Variants in HS3ST2 observed in about 807,000 individuals in gnomAD.
HS3ST2 encodes the protein heparan sulfate glucosamine 3-O-sulfotransferase 2.
Under a neutral mutation model 26.3 loss-of-function variants are expected in HS3ST2, and 17 were observed. The observed-to-expected ratio is 0.65, with a 90% CI of 0.44 to 0.97. The LOEUF is 0.97. Among genes scored for constraint, HS3ST2 ranks in the 50% least tolerant of loss-of-function variants. The pLI, the probability that HS3ST2 is intolerant of heterozygous loss-of-function variation, is 0.00. For missense variants in HS3ST2, 402 were observed against 501.2 expected (o/e 0.80, Z 1.89); for synonymous variants, 237 against 219.2 (o/e 1.08, Z -0.72).
At chr16:22,848,497 G>A (rs1349979693) in intron 1 of HS3ST2, among the ~76,000 whole-genome samples, 1 of 150,848 alleles carries the variant, frequency 6.6e-6, no homozygotes, top group African/African-American at 2.5e-5. Flanking sequence ...TTTAGCTCAA[G>A]CTGAAAAAGA....
Position 22,834,471 on chromosome 16 carries a change from C to A in HS3ST2, c.485+19376C>A, listed in dbSNP as rs570761210. On this transcript the variant is annotated intron_variant, in intron 1 of 1. Transcript: ENST00000261374. ...TATCTACAGAATCATTTTAAATGCTCAGAATTATTTTAAATAGCATCTAGT... is the reference window on the plus strand; with the variant it reads ...TATCTACAGAATCATTTTAAATGCTAAGAATTATTTTAAATAGCATCTAGT... 6.6e-5 allele frequency among the ~76,000 whole-genome samples: 10 copies of A among 152,116 alleles called. No individual in the cohort carries two copies. In the East Asian group the frequency reaches 1.9e-3, roughly 29 times the overall value.
chr16:22,847,315 C>T (rs1901448814), intron 1 of HS3ST2, among the ~76,000 whole-genome samples: 1 of 152,162 alleles, frequency 6.6e-6, no homozygotes, highest in Non-Finnish European at 1.5e-5. Flanking sequence ...GACATGATGT[C>T]ATTTTTGTGG....
Position 22,814,424 on chromosome 16 carries a change from C to A in HS3ST2, c.-187C>A, listed in dbSNP as rs1023863080. 2.0e-6 allele frequency: 1 copy of A among 495,618 alleles called. No individual in the cohort carries two copies. The highest frequency in any genetic ancestry group is 3.5e-5 in the East Asian group (1 of 28,540). The allele number at this position is 495,618 out of a possible 1,614,324, so 30.7% of individuals were successfully genotyped here. A position where few individuals can be genotyped will look rare whatever the true frequency, so the allele number is the denominator to read the frequency against. On this transcript the variant is annotated 5_prime_UTR_variant, in exon 1 of 2. Coordinates refer to ENST00000261374, the MANE Select transcript of HS3ST2 (RefSeq NM_006043.2). Reference sequence around the variant, plus strand: ...CCGCCTGTTCCCCGAGGAGCCGCTGCCCCCGGGACCCCCTGGCACTGTGCG... The same window carrying A: ...CCGCCTGTTCCCCGAGGAGCCGCTGACCCCGGGACCCCCTGGCACTGTGCG...
intron 1 of HS3ST2, among the ~76,000 whole-genome samples, chr16:22,884,860 A>T (rs1162286923): frequency 8.1e-5 from 9 of 111,668 alleles, no homozygotes; most frequent in African/African-American, 9.3e-5. Context: ...TTTTTTTTTT[A>T]AACAGAGTCT....
intron 1 of HS3ST2, among the ~76,000 whole-genome samples, chr16:22,900,695 A>T (rs1902272238): frequency 1.3e-5 from 2 of 152,094 alleles, no homozygotes; most frequent in African/African-American, 4.8e-5. Flanking sequence ...GGAAGAAAGA[A>T]TGTGTTCCCA....
At chr16:22,841,336 C>T (rs999539783) in intron 1 of HS3ST2, among the ~76,000 whole-genome samples, 10 of 152,304 alleles carry the variant, frequency 6.6e-5, no homozygotes, top group African/African-American at 2.2e-4. Context: ...GCTGGGATTA[C>T]AGGCATGAGC....
intron 1 of HS3ST2, among the ~76,000 whole-genome samples, chr16:22,869,184 C>G (rs1255887701): frequency 1.3e-5 from 2 of 152,126 alleles, no homozygotes. Context: ...TCCTGACTCT[C>G]TTCCTGATAG....
chr16:22,832,932 A>G (rs71378484), intron 1 of HS3ST2, among the ~76,000 whole-genome samples: 1 of 151,788 alleles, frequency 6.6e-6, no homozygotes, highest in East Asian at 1.9e-4. Context: ...GCAAGGACCA[A>G]ACCTTCCTGA....
chr16:22,892,063 A>G (rs894196541), intron 1 of HS3ST2, among the ~76,000 whole-genome samples: 1 of 150,904 alleles, frequency 6.6e-6, no homozygotes, highest in African/African-American at 2.4e-5. Context: ...TCACGAGGTC[A>G]GGAGATCGAG....
At chr16:22,900,362 G>A (rs981777683) in intron 1 of HS3ST2, among the ~76,000 whole-genome samples, 2 of 152,170 alleles carry the variant, frequency 1.3e-5, no homozygotes, top group Non-Finnish European at 2.9e-5. Flanking sequence ...TAATGTCACT[G>A]GGGAACATCT....
At chr16:22,815,498 G>A (rs913905792) in intron 1 of HS3ST2, among the ~76,000 whole-genome samples, 2 of 152,298 alleles carry the variant, frequency 1.3e-5, no homozygotes, top group Middle Eastern at 3.4e-3. Context: ...GAAGGACCCT[G>A]AGAAAGATAA....
chr16:22,877,088 C>T (rs900961740), intron 1 of HS3ST2, among the ~76,000 whole-genome samples: 4 of 152,114 alleles, frequency 2.6e-5, no homozygotes, highest in African/African-American at 9.7e-5. Flanking sequence ...AGTACTTATC[C>T]ATGCAACCAA....
chr16:22,841,719 T>C (rs1286828631), intron 1 of HS3ST2, among the ~76,000 whole-genome samples: 1 of 152,220 alleles, frequency 6.6e-6, no homozygotes, highest in African/African-American at 2.4e-5. Context: ...CCAGAAGTTT[T>C]CCTAATTCCC....
Position 22,875,995 on chromosome 16 carries a change from C to T in HS3ST2, c.486-38949C>T, listed in dbSNP as rs183682370. 1.8e-4 allele frequency among the ~76,000 whole-genome samples: 28 copies of T among 152,308 alleles called. No individual in the cohort carries two copies. In the East Asian group the frequency reaches 5.0e-3, roughly 27 times the overall value. ...AATATGGGTGTGTAGTAGGCTCTAA[C>T]ATCTAGGTTTGTGTAAGTACATTCT... On this transcript the variant is annotated intron_variant, in intron 1 of 1. Coordinates refer to ENST00000261374, the MANE Select transcript of HS3ST2 (RefSeq NM_006043.2).
At chr16:22,875,037 G>A (rs1298177936) in intron 1 of HS3ST2, among the ~76,000 whole-genome samples, 1 of 152,128 alleles carries the variant, frequency 6.6e-6, no homozygotes. Context: ...TCATGGAGAC[G>A]TGTGCTGTAA....
At chr16:22,902,112 G>A (rs747924908) in intron 1 of HS3ST2, among the ~76,000 whole-genome samples, 1 of 152,118 alleles carries the variant, frequency 6.6e-6, no homozygotes, top group Non-Finnish European at 1.5e-5. Flanking sequence ...TGTATATTTT[G>A]TATGTAAATA....
At chr16:22,877,637 C>G (rs974201990) in intron 1 of HS3ST2, among the ~76,000 whole-genome samples, 9 of 152,148 alleles carry the variant, frequency 5.9e-5, no homozygotes, top group African/African-American at 2.2e-4. Context: ...CATCCCTGAC[C>G]TACCCCTAAC....
chr16:22,814,640 G>T lies in HS3ST2; in HGVS notation c.30G>T (p.Gly10=). The change falls in exon 1 of 2, where the codon GGG becomes GGT. Residue 10 remains glycine (G), a synonymous_variant. Coordinates refer to ENST00000261374, the MANE Select transcript of HS3ST2 (RefSeq NM_006043.2). The stretch of plus-strand genomic sequence containing the variant: ...CCTATAGGGTCCTGGGCCGCGCGGG[G>T]CCACCTCAGCCGCGGAGGGCGCGCA... MAYRVLGRA[G]PPQPRRARRL... is the part of the protein sequence containing the mutation. 6.4e-7 allele frequency: 1 copy of T among 1,554,616 alleles called. No homozygotes were observed. The highest frequency in any genetic ancestry group is 1.2e-5 in the South Asian group (1 of 84,364).
At chr16:22,818,483 A>T (rs924890658) in intron 1 of HS3ST2, among the ~76,000 whole-genome samples, 3 of 152,136 alleles carry the variant, frequency 2.0e-5, no homozygotes, top group Admixed American at 2.0e-4. Flanking sequence ...TTACTACAAC[A>T]CTCCTGTTAT....
Sources: gnomAD v4.1 joint callset for allele counts (sites outside exome capture counted in the v4.1 genomes callset) on GRCh38, gnomAD v4.1.1 for gene constraint, MANE v1.5 for transcripts, NCBI Gene and HGNC (gene_info 2026-07-23, HGNC 2026-07-21) for gene names.